Variants in KANK4 observed in about 807,000 individuals in gnomAD.
The protein encoded by KANK4 is KN motif and ankyrin repeat domains 4, also known as KN motif and ankyrin repeat domain-containing protein 4.
Under a neutral mutation model 80.8 loss-of-function variants are expected in KANK4, and 50 were observed. The observed-to-expected ratio is 0.62, with a 90% CI of 0.49 to 0.78. The LOEUF (loss-of-function observed/expected upper bound fraction) is 0.78, where lower values mean the gene tolerates loss of function less well. Ranked by LOEUF, KANK4 falls within the 30% of genes least tolerant of loss-of-function variation. The pLI, the probability that KANK4 is intolerant of heterozygous loss-of-function variation, is 0.00. For missense variants in KANK4, 1,196 were observed against 1,240.1 expected (o/e 0.96, Z 0.53); for synonymous variants, 465 against 506.9 (o/e 0.92, Z 1.11).
At chr1:62,271,878 G>C in intron 3 of KANK4, 2 of 343,076 alleles carry the variant, frequency 5.8e-6, no homozygotes, top group Non-Finnish European at 5.6e-6. Flanking sequence ...GGAAATCTGA[G>C]GCCCAGACTT....
At chr1:62,265,082 C>T (rs774450675) in intron 6 of KANK4, among the ~76,000 whole-genome samples, 3 of 152,136 alleles carry the variant, frequency 2.0e-5, no homozygotes, top group East Asian at 1.9e-4. Context: ...CCGTCCATCT[C>T]GGCCTTCCAA....
intron 4 of KANK4, among the ~76,000 whole-genome samples, 175 bp from the exon 5 acceptor site, chr1:62,268,680 CAT>C (rs952844274): frequency 1.1e-4 from 16 of 152,166 alleles, no homozygotes; most frequent in Non-Finnish European, 2.4e-4. Flanking sequence ...GTCAGAAAGA[CAT>C]GCAGTAAAGG....
At chr1:62,287,563 C>T (rs1219627127) in intron 1 of KANK4, among the ~76,000 whole-genome samples, 2 of 152,182 alleles carry the variant, frequency 1.3e-5, no homozygotes, top group African/African-American at 2.4e-5. Context: ...CTCATTTATC[C>T]TTGCATCAAT....
intron 2 of KANK4, among the ~76,000 whole-genome samples, chr1:62,279,198 G>T (rs10536686): frequency 0.36 from 53,299 of 146,288 alleles, 9,889 homozygotes; most frequent in South Asian, 0.41. Context: ...GCTAGCGCGC[G>T]CACACACACA....
At chr1:62,244,072 T>C (rs893942852) in intron 9 of KANK4, among the ~76,000 whole-genome samples, 1 of 152,066 alleles carries the variant, frequency 6.6e-6, no homozygotes, top group Non-Finnish European at 1.5e-5. Context: ...AGTATTTAGA[T>C]AGAGTCTACT....
chr1:62,268,510 G>A lies in KANK4; in HGVS notation c.2013-5C>T, dbSNP rs755412721. The A allele has an allele frequency of 4.3e-6, 7 of 1,611,856 alleles. No homozygotes were observed. The highest frequency in any genetic ancestry group is 5.9e-6 in the Non-Finnish European group (7 of 1,178,872). ...TCACTTGAGGTGGTCTCATACCTGG[G>A]GTAGAAAACAAAGGTCACTCGTCCT... On this transcript the variant is annotated splice_polypyrimidine_tract_variant and splice_region_variant and intron_variant, in intron 4 of 9. Transcript: ENST00000371153.
At chr1:62,279,685 G>C (rs1013185390) in intron 2 of KANK4, among the ~76,000 whole-genome samples, 1 of 152,216 alleles carries the variant, frequency 6.6e-6, no homozygotes, top group Non-Finnish European at 1.5e-5. Context: ...ACAGCCCAGA[G>C]TAGGCGCTCA....
At position 62,247,493 on chromosome 1, in the gene KANK4, G is replaced by T; in HGVS notation, c.2862C>A (p.Cys954Ter). ...TCACCTTGTCAGTCAGGCTGCTGTC[G>T]CAGGCTGGGTGTGCCAGGAGCAGCC... The part of the protein sequence containing the change: ...LVRLLLAHPA[C>*]DSSLTDKAGR... The change falls in exon 9 of 10, where the codon TGC becomes TGA. Residue 954 changes from cysteine (C) to a stop codon, truncating the protein, a stop_gained. Transcript: ENST00000371153. LOFTEE classifies it high-confidence loss of function. 1 of 1,613,882 alleles carries T rather than the reference G, an allele frequency of 6.2e-7. No homozygotes were observed. The highest frequency in any genetic ancestry group is 1.7e-4 in the Middle Eastern group (1 of 5,972).
intron 7 of KANK4, among the ~76,000 whole-genome samples, chr1:62,256,144 G>C (rs1465056652): frequency 6.6e-6 from 1 of 152,074 alleles, no homozygotes; most frequent in Non-Finnish European, 1.5e-5. Flanking sequence ...CTTCCAATGT[G>C]GCCCAGGGAA....
intron 1 of KANK4, among the ~76,000 whole-genome samples, chr1:62,308,663 GA>G (rs958709535): frequency 6.6e-6 from 1 of 152,106 alleles, no homozygotes; most frequent in Non-Finnish European, 1.5e-5. Flanking sequence ...GAGGGTTAAG[GA>G]AAACTCTGGT....
At chr1:62,291,971 C>A (rs1278782035) in intron 1 of KANK4, among the ~76,000 whole-genome samples, 1 of 152,166 alleles carries the variant, frequency 6.6e-6, no homozygotes, top group East Asian at 1.9e-4. Flanking sequence ...AGATCACCCT[C>A]TATTTCCAGA....
chr1:62,257,329 C>T (rs1671775258), intron 7 of KANK4, among the ~76,000 whole-genome samples: 1 of 152,172 alleles, frequency 6.6e-6, no homozygotes, highest in African/African-American at 2.4e-5. Flanking sequence ...CTCAGGTGAT[C>T]CACCTGCCTT....
Position 62,307,291 on chromosome 1 carries a change from G to A in KANK4, c.-71+11815C>T, listed in dbSNP as rs548602613. 1.4e-4 allele frequency among the ~76,000 whole-genome samples: 21 copies of A among 151,890 alleles called. No homozygotes were observed. The East Asian group carries it at 2.3e-3, about 17-fold the overall frequency. On this transcript the variant is annotated intron_variant, in intron 1 of 9. Transcript: ENST00000371153. Reference sequence around the variant, plus strand: ...TGAGGTCAGGAGTTCGAGACCAGCCGGGCCAACATGGTGAAACCTTGTCCT... The same window carrying A: ...TGAGGTCAGGAGTTCGAGACCAGCCAGGCCAACATGGTGAAACCTTGTCCT...
chr1:62,311,193 T>C (rs1010713723), intron 1 of KANK4, among the ~76,000 whole-genome samples: 4 of 152,148 alleles, frequency 2.6e-5, no homozygotes, highest in African/African-American at 9.7e-5. Context: ...AACAAGTTTC[T>C]AGAATCAGGC....
chr1:62,266,618 C>A, intron 6 of KANK4, 114 bp downstream of exon 6: 1 of 715,908 alleles, frequency 1.4e-6, no homozygotes, highest in Non-Finnish European at 2.5e-6. Flanking sequence ...CACACCACTG[C>A]ACACTCACAC....
chr1:62,285,085 A>T (rs751183767), intron 1 of KANK4, among the ~76,000 whole-genome samples: 5 of 152,246 alleles, frequency 3.3e-5, no homozygotes, highest in Non-Finnish European at 7.3e-5. Flanking sequence ...AAACAGGAAC[A>T]TGTCCAAGTT....
chr1:62,261,177 G>GCC, intron 7 of KANK4, among the ~76,000 whole-genome samples: 1 of 90,946 alleles, frequency 1.1e-5, no homozygotes, highest in Admixed American at 1.6e-4. Context: ...TTTTTTTTGA[G>GCC]ACAGGGTCTC....
At chr1:62,250,324 G>C (rs941621722) in intron 8 of KANK4, among the ~76,000 whole-genome samples, 1 of 152,178 alleles carries the variant, frequency 6.6e-6, no homozygotes, top group African/African-American at 2.4e-5. Context: ...ATATGCAGAT[G>C]GTCCTCACAT....
intron 9 of KANK4, among the ~76,000 whole-genome samples, chr1:62,242,076 C>T (rs2149113600): frequency 6.6e-6 from 1 of 152,232 alleles, no homozygotes; most frequent in South Asian, 2.1e-4. Context: ...ATGCAGCTCC[C>T]ATGGGAGCCA....
Sources: allele counts gnomAD v4.1 joint callset (sites outside exome capture counted in the v4.1 genomes callset), GRCh38; gene constraint gnomAD v4.1.1; transcripts MANE v1.5; gene names NCBI Gene and HGNC (gene_info 2026-07-23, HGNC 2026-07-21).